ZNF124: variants seen among roughly 807,000 people sequenced by gnomAD.
ZNF124 encodes the protein zinc finger protein 124.
ZNF124 carries 25 observed loss-of-function variants against 26.6 expected under a neutral mutation model. The observed-to-expected ratio is 0.94, with a 90% CI of 0.68 to 1.31. The LOEUF (loss-of-function observed/expected upper bound fraction) is 1.31, where lower values mean the gene tolerates loss of function less well. ZNF124 is among the 40% of genes most tolerant of loss of function. ZNF124 has a pLI of 0.00. For missense variants in ZNF124, 444 were observed against 422.2 expected (o/e 1.05, Z -0.45); for synonymous variants, 129 against 133.3 (o/e 0.97, Z 0.22).
chr1:247,159,656 T>C (rs1673358340), intron 2 of ZNF124, 31 bp downstream of exon 2: 1 of 1,601,232 alleles, frequency 6.2e-7, no homozygotes, highest in Admixed American at 1.7e-5. Flanking sequence ...ACTTTCTGAT[T>C]GACTAAGTGA....
chr1:247,158,675 G>C (rs1330200616), intron 3 of ZNF124, among the ~76,000 whole-genome samples: 1 of 151,382 alleles, frequency 6.6e-6, no homozygotes, highest in African/African-American at 2.4e-5. Flanking sequence ...TGTTTCCCTG[G>C]CTGGAGTGCA....
intron 3 of ZNF124, among the ~76,000 whole-genome samples, chr1:247,132,230 GACA>G (rs1672383734): frequency 6.6e-6 from 1 of 150,922 alleles, no homozygotes; most frequent in Non-Finnish European, 1.5e-5. Context: ...AGCAGAAACT[GACA>G]ACAGTGTCAA....
chr1:247,142,003 T>C (rs1672640877), intron 3 of ZNF124, among the ~76,000 whole-genome samples: 1 of 152,212 alleles, frequency 6.6e-6, no homozygotes, highest in South Asian at 2.1e-4. Flanking sequence ...CCAGGTGGCC[T>C]GGGTTCCCTG....
rs754208974 is a variant in ZNF124, at chr1:247,156,598, CA to C, written c.1023del (p.Gly342GlufsTer28). The C allele has an allele frequency of 6.4e-7, 1 of 1,554,764 alleles. No individual in the cohort carries two copies. Among genetic ancestry groups the C allele is most frequent in the Non-Finnish European group, 8.6e-7 (1 of 1,157,856 alleles). ...STLWKHKKTH[T>X]GEKPYKCKKM The stretch of plus-strand genomic sequence containing the variant: ...TTTTTACATTTATAGGGCTTTTCTC[CA>C]GTATGAGTTTTTTTATGCTTCCAAA... On this transcript the variant is annotated frameshift_variant, in exon 4 of 4. Transcript: ENST00000543802. LOFTEE classifies it high-confidence loss of function.
At chr1:247,146,914 G>A (rs1293782719) in intron 3 of ZNF124, among the ~76,000 whole-genome samples, 3 of 152,166 alleles carry the variant, frequency 2.0e-5, no homozygotes, top group Non-Finnish European at 2.9e-5. Flanking sequence ...TAGCTTCTGA[G>A]GTTAGGAGGT....
chr1:247,130,711 C>A (rs1223440544), intron 3 of ZNF124, among the ~76,000 whole-genome samples: 1 of 152,088 alleles, frequency 6.6e-6, no homozygotes, highest in East Asian at 1.9e-4. Context: ...AATTTTATTC[C>A]CTCCAACATA....
chr1:247,162,618 C>CG (rs1673545553), intron 1 of ZNF124, among the ~76,000 whole-genome samples: 4 of 78,566 alleles, frequency 5.1e-5, no homozygotes, highest in African/African-American at 1.6e-4. Context: ...TAACCCTTGG[C>CG]AAAAAAAAAA....
intron 3 of ZNF124, among the ~76,000 whole-genome samples, chr1:247,134,899 C>G (rs564999683): frequency 3.9e-5 from 6 of 152,296 alleles, no homozygotes; most frequent in African/African-American, 1.4e-4. Flanking sequence ...ATAATAGTCT[C>G]TCGGACCACA....
rs376640489 is a variant in ZNF124 at position 247,158,987 on chromosome 1, T to C, written c.218+19A>G. 9.3e-6 allele frequency: 15 copies of C among 1,610,126 alleles called. 1 individual carries two copies. In the African/African-American group the frequency reaches 1.6e-4, roughly 17 times the overall value. On this transcript the variant is annotated intron_variant, in intron 3 of 3. Transcript: ENST00000543802. ...ATTGACCCCAAGGGGGACTGCTTCC[T>C]CTTGTGAGGGCAAATTACCTTAGAT... is the stretch of plus-strand genomic sequence containing the variant.
intron 3 of ZNF124, among the ~76,000 whole-genome samples, chr1:247,130,689 T>C (rs1477804053): frequency 2.0e-5 from 3 of 152,256 alleles, no homozygotes; most frequent in African/African-American, 7.2e-5. Flanking sequence ...GTATGAAATG[T>C]AAGTGCCTTG....
In ZNF124 at chr1:247,159,090, A is replaced by G. The variant is rs775220501; in HGVS notation, c.158-24T>C. ...TCCTAAAATGTAGACCCAGAAATAT[A>G]TTACAAATTATTTGAAATTATAGAA... On this transcript the variant is annotated intron_variant, in intron 2 of 3. Transcript: ENST00000543802. 8 of 1,595,578 alleles carry G rather than the reference A, an allele frequency of 5.0e-6. No individual in the cohort carries two copies. The South Asian group carries it at 9.0e-5, about 18-fold the overall frequency.
intron 1 of ZNF124, among the ~76,000 whole-genome samples, chr1:247,167,649 T>C (rs1187843707): frequency 2.6e-5 from 4 of 151,944 alleles, no homozygotes; most frequent in African/African-American, 9.7e-5. Context: ...CTTCTAAACA[T>C]TGGCTTGGGC....
At chr1:247,125,019 C>T (rs4925714) in intron 3 of ZNF124, among the ~76,000 whole-genome samples, 6,354 of 151,980 alleles carry the variant, frequency 0.042, 139 homozygotes, top group Middle Eastern at 0.061. Context: ...GTTTCCCAGG[C>T]TGGCAACTCC....
At chr1:247,162,072 G>A (rs969717288) in intron 1 of ZNF124, among the ~76,000 whole-genome samples, 5 of 152,228 alleles carry the variant, frequency 3.3e-5, no homozygotes, top group Non-Finnish European at 5.9e-5. Flanking sequence ...ACTACTAAGA[G>A]AATTTGTTCC....
intron 3 of ZNF124, among the ~76,000 whole-genome samples, chr1:247,127,526 G>A (rs1672236140): frequency 7.9e-6 from 1 of 126,870 alleles, no homozygotes; most frequent in Admixed American, 9.3e-5. Context: ...AAACTAAAAG[G>A]CAGAAATGAA....
chr1:247,153,978 C>T (rs1263969544), downstream of ZNF124, among the ~76,000 whole-genome samples: 2 of 152,192 alleles, frequency 1.3e-5, no homozygotes, highest in Non-Finnish European at 2.9e-5. Flanking sequence ...GAAGAGTGCA[C>T]ATAACAGCAG....
At chr1:247,158,156 C>T (rs768682398) in intron 3 of ZNF124, among the ~76,000 whole-genome samples, 4 of 151,908 alleles carry the variant, frequency 2.6e-5, no homozygotes, top group South Asian at 2.1e-4. Flanking sequence ...AGACTGAGTC[C>T]GGAGAATCAC....
chr1:247,160,465 C>T lies in ZNF124; in HGVS notation c.31-652G>A, dbSNP rs766713078. On this transcript the variant is annotated intron_variant, in intron 1 of 3. Transcript: ENST00000543802. ...TGTGCATAAGAGAGTTAATATGAGC[C>T]GTCACAAGACTACTTACCCTTAGAA... Among the ~76,000 whole-genome samples the T allele has an allele frequency of 5.3e-5, 8 of 152,052 alleles. No homozygotes were observed. In the East Asian group the frequency reaches 9.6e-4, roughly 18 times the overall value.
chr1:247,166,573 A>G (rs1186175417), intron 1 of ZNF124, among the ~76,000 whole-genome samples: 1 of 152,218 alleles, frequency 6.6e-6, no homozygotes, highest in African/African-American at 2.4e-5. Flanking sequence ...ATACATATAC[A>G]ATAAGAGTAA....
Sources: allele counts gnomAD v4.1 joint callset (sites outside exome capture counted in the v4.1 genomes callset), GRCh38; gene constraint gnomAD v4.1.1; transcripts MANE v1.5; gene names NCBI Gene and HGNC (gene_info 2026-07-23, HGNC 2026-07-21).